MAP3K14: variants seen among roughly 807,000 people sequenced by gnomAD.
MAP3K14 encodes mitogen-activated protein kinase kinase kinase 14.
A neutral mutation model predicts 99.2 loss-of-function variants in MAP3K14; 16 were observed. That is an observed-to-expected ratio of 0.16 (90% CI 0.11 to 0.24). MAP3K14 has a LOEUF of 0.24. MAP3K14 is among the 10% of genes least tolerant of loss of function. The pLI is 1.00. For missense variants in MAP3K14, 784 were observed against 1,208.7 expected (o/e 0.65, Z 5.21); for synonymous variants, 462 against 492.4 (o/e 0.94, Z 0.82).
rs2044455192 is a variant in MAP3K14, at chr17:45,309,448, A to AC, written c.-21+7511dup. Among the ~76,000 whole-genome samples the AC allele has an allele frequency of 5.3e-5, 8 of 151,938 alleles. No individual in the cohort carries two copies. In the South Asian group the frequency reaches 1.7e-3, roughly 32 times the overall value. ...AGATGTCTGCCTTCGTGCCCAGCTT[A>AC]CCCCTGTCTTGGTGAGGTCCTCCAG... is the stretch of plus-strand genomic sequence containing the variant. On this transcript the variant is annotated intron_variant, in intron 1 of 15. Transcript: ENST00000344686.
At chr17:45,280,148 C>G (rs2044211008) in intron 6 of MAP3K14, among the ~76,000 whole-genome samples, 1 of 152,208 alleles carries the variant, frequency 6.6e-6, no homozygotes, top group Non-Finnish European at 1.5e-5. Context: ...AGAGCCAAAG[C>G]AAAGCTCCCA....
At chr17:45,295,716 C>T (rs1414444044) in intron 1 of MAP3K14, among the ~76,000 whole-genome samples, 4 of 152,238 alleles carry the variant, frequency 2.6e-5, no homozygotes, top group African/African-American at 9.6e-5. Context: ...CTTCTTTTAA[C>T]TTCTCTGAGT....
At chr17:45,316,669 G>A (rs1381536137) in intron 1 of MAP3K14, among the ~76,000 whole-genome samples, 3 of 152,134 alleles carry the variant, frequency 2.0e-5, no homozygotes, top group Non-Finnish European at 4.4e-5. Context: ...CACTAGTGAA[G>A]GGGAAGCAGG....
chr17:45,303,029 C>T (rs1006318267), intron 1 of MAP3K14, among the ~76,000 whole-genome samples: 1 of 152,222 alleles, frequency 6.6e-6, no homozygotes, highest in African/African-American at 2.4e-5. Context: ...CAAATGCATG[C>T]GTGGTTACAG....
intron 1 of MAP3K14, among the ~76,000 whole-genome samples, chr17:45,315,884 A>C (rs1344281889): frequency 6.6e-6 from 1 of 152,246 alleles, no homozygotes; most frequent in African/African-American, 2.4e-5. Flanking sequence ...AGCAAAAAAC[A>C]CATCACTAAT....
rs775719457 is a variant in MAP3K14 at position 45,286,803 on chromosome 17, A to G, written c.780T>C (p.Tyr260=). 3 of 1,612,858 alleles carry G rather than the reference A, an allele frequency of 1.9e-6. No individual in the cohort carries two copies. Among genetic ancestry groups the G allele is most frequent in the South Asian group, 2.2e-5 (2 of 90,926 alleles). Residue 260 remains tyrosine (Y), a synonymous_variant, in exon 5 of 16, where the codon TAT becomes TAC. Coordinates refer to ENST00000344686, the MANE Select transcript of MAP3K14 (RefSeq NM_003954.5). This position sits in a 1 kb window ranked among gnomAD's most constrained non-coding sequence, Gnocchi z 4.1. The stretch of plus-strand genomic sequence containing the variant: ...ATGGGAAGGGATGAGGCAGTCTGCT[A>G]TAGGGGAAGGGGTGCGTGGGCAGGG... ...PLPLPTHPFP[Y]SRLPHPFPFH...
intron 1 of MAP3K14, among the ~76,000 whole-genome samples, chr17:45,316,104 C>T (rs1026252411): frequency 6.6e-6 from 1 of 152,212 alleles, no homozygotes; most frequent in Non-Finnish European, 1.5e-5. Context: ...ATTTACTTTG[C>T]TGATGTATGT....
chr17:45,298,829 C>T lies in MAP3K14; in HGVS notation c.-20-8064G>A, dbSNP rs148098402. Among the ~76,000 whole-genome samples, 616 of 152,304 alleles carry T rather than the reference C, an allele frequency of 4.0e-3. 12 individuals carry two copies. The highest frequency in any genetic ancestry group is 0.038 in the Admixed American group (575 of 15,294). ...CTACTGGGGGAAACAGACAAGAAGT[C>T]AGAAGAGTTCAGTACAATACAGGGA... On this transcript the variant is annotated intron_variant, in intron 1 of 15. Coordinates refer to ENST00000344686, the MANE Select transcript of MAP3K14 (RefSeq NM_003954.5).
rs1287739089 is a variant in MAP3K14, at chr17:45,290,757, G to T, written c.-12C>A. The T allele has an allele frequency of 2.5e-6, 4 of 1,612,012 alleles. No homozygotes were observed. In the Admixed American group the frequency reaches 5.0e-5, roughly 20 times the overall value. ...TCCATCACTGCCATCTCCCAGGCTT[G>T]TGCTCATCCTGAGAGAGACCAAACA... On this transcript the variant is annotated 5_prime_UTR_variant, in exon 2 of 16. Coordinates refer to ENST00000344686, the MANE Select transcript of MAP3K14 (RefSeq NM_003954.5).
In MAP3K14 at chr17:45,286,603, GCAC is replaced by G. The variant is rs1567994668; in HGVS notation, c.977_979del (p.Gly326del). The G allele has an allele frequency of 6.2e-7, 1 of 1,611,306 alleles. No homozygotes were observed. The highest frequency in any genetic ancestry group is 8.5e-7 in the Non-Finnish European group (1 of 1,178,894). Reference sequence around the variant, plus strand: ...TTCCTCCACAGAAAACTTCTCATGGGCACCACGAGACAGGCAGCTGGGCTCCAG... The same window carrying G: ...TTCCTCCACAGAAAACTTCTCATGGGCACGAGACAGGCAGCTGGGCTCCAG... On this transcript the variant is annotated inframe_deletion, in exon 5 of 16. Transcript: ENST00000344686. This position sits in a 1 kb window ranked among gnomAD's most constrained non-coding sequence, Gnocchi z 4.1.
chr17:45,282,347 G>A (rs2044229798), intron 6 of MAP3K14, among the ~76,000 whole-genome samples: 2 of 152,028 alleles, frequency 1.3e-5, no homozygotes, highest in Admixed American at 1.3e-4. Context: ...AGGTTGCCCA[G>A]GAGTTTGAGT....
rs2044147514 is a variant in MAP3K14, at chr17:45,272,320, T to C, written c.1658-1099A>G. Among the ~76,000 whole-genome samples, 1 of 152,058 alleles carries C rather than the reference T, an allele frequency of 6.6e-6. No individual in the cohort carries two copies. Among genetic ancestry groups the C allele is most frequent in the African/African-American group, 2.4e-5 (1 of 41,394 alleles). On this transcript the variant is annotated intron_variant, in intron 9 of 15. Coordinates refer to ENST00000344686, the MANE Select transcript of MAP3K14 (RefSeq NM_003954.5). This position sits in a 1 kb window ranked among gnomAD's most constrained non-coding sequence, Gnocchi z 4.1. ...CAGCCTGGGTGACAGAGCAAGACTC[T>C]GTCTCTAAAAAATAAAAGTTAAAAA...
At chr17:45,310,961 A>T (rs1239439134) in intron 1 of MAP3K14, among the ~76,000 whole-genome samples, 1 of 152,138 alleles carries the variant, frequency 6.6e-6, no homozygotes, top group African/African-American at 2.4e-5. Flanking sequence ...GCTTGCAGAA[A>T]GGCTGAGAGT....
intron 6 of MAP3K14, chr17:45,282,090 C>A (rs2044227818): frequency 6.6e-6 from 1 of 152,090 alleles, no homozygotes; most frequent in Non-Finnish European, 1.5e-5. Flanking sequence ...TTTGAAATTT[C>A]TTTTTTATTT....
At chr17:45,279,941 A>G (rs2044208871) in intron 6 of MAP3K14, among the ~76,000 whole-genome samples, 1 of 152,158 alleles carries the variant, frequency 6.6e-6, no homozygotes, top group Non-Finnish European at 1.5e-5. Flanking sequence ...CCTTCTAAAC[A>G]CGTGTCCAGG....
Position 45,273,623 on chromosome 17 carries a change from G to C in MAP3K14, c.1553-16C>G. ...ACGTTGTCAGCTGCCAGGCCGCCCC[G>C]GGGAGGAAGAGGAACAGGTGAGTCA... On this transcript the variant is annotated splice_polypyrimidine_tract_variant and intron_variant, in intron 8 of 15. Transcript: ENST00000344686. 1 of 1,597,578 alleles carries C rather than the reference G, an allele frequency of 6.3e-7. No individual in the cohort carries two copies. The highest frequency in any genetic ancestry group is 8.5e-7 in the Non-Finnish European group (1 of 1,169,644).
Position 45,264,764 on chromosome 17 carries a change from C to T in MAP3K14, c.2716G>A (p.Gly906Arg), listed in dbSNP as rs1202748657. 8 of 1,613,420 alleles carry T rather than the reference C, an allele frequency of 5.0e-6. No individual in the cohort carries two copies. Among genetic ancestry groups the T allele is most frequent in the Admixed American group, 1.7e-5 (1 of 59,958 alleles). ...TCCATGTCGTAGCGAACAGGCTGCC[C>T]GTCTTTGGTGACCAAGCTGAAGGCT... ...AAAFSLVTKDGQPVRYDMEVP... is the reference protein window; with the variant it reads ...AAAFSLVTKDRQPVRYDMEVP... Residue 906 changes from glycine to arginine, a missense_variant, in exon 16 of 16, where the codon GGG becomes AGG. This residue lies in a region of MAP3K14 where 130 missense variants were observed against 220.4 expected (regional missense o/e 0.59). Coordinates refer to ENST00000344686, the MANE Select transcript of MAP3K14 (RefSeq NM_003954.5).
At chr17:45,302,988 G>T (rs901374070) in intron 1 of MAP3K14, among the ~76,000 whole-genome samples, 5 of 152,210 alleles carry the variant, frequency 3.3e-5, no homozygotes, top group Middle Eastern at 3.2e-3. Flanking sequence ...CAGAAGATGC[G>T]GACTGTTTCC....
intron 6 of MAP3K14, among the ~76,000 whole-genome samples, chr17:45,283,570 G>A (rs957719193): frequency 6.6e-6 from 1 of 152,222 alleles, no homozygotes; most frequent in African/African-American, 2.4e-5. Context: ...CACCCTGGAC[G>A]GTGGTGGCAG....
Sources: gnomAD v4.1 joint callset for allele counts (sites outside exome capture counted in the v4.1 genomes callset) on GRCh38, gnomAD v4.1.1 for gene constraint, gnomAD v4.1.1 regional missense constraint, Gnocchi (gnomAD v3.1) non-coding constraint, MANE v1.5 for transcripts, NCBI Gene and HGNC (gene_info 2026-07-23, HGNC 2026-07-21) for gene names.